F8: variants seen among roughly 807,000 people sequenced by gnomAD.
F8 encodes the protein antihemophilic factor.
Under a neutral mutation model 140.6 loss-of-function variants are expected in F8, and 12 were observed. That is an observed-to-expected ratio of 0.09 (90% CI 0.05 to 0.14). The LOEUF (loss-of-function observed/expected upper bound fraction) is 0.14, where lower values mean the gene tolerates loss of function less well. F8 is among the 10% of genes least tolerant of loss of function. F8 has a pLI of 1.00. For missense variants in F8, 1,354 were observed against 1,720.7 expected (o/e 0.79, Z 3.77); for synonymous variants, 585 against 614.6 (o/e 0.95, Z 0.71).
At position 154,863,246 on chromosome X, in the gene F8, A is replaced by G; in HGVS notation, c.6430-19T>C. ...AGAAGACCTGTATGGAGAGATTAGC[A>G]CAAATACATGGAAAGTGAATACAGA... On this transcript the variant is annotated intron_variant, in intron 22 of 25. Coordinates refer to ENST00000360256, the MANE Select transcript of F8 (RefSeq NM_000132.4). The G allele has an allele frequency of 8.3e-7, 1 of 1,200,851 alleles. No individual in the cohort carries two copies. The highest frequency in any genetic ancestry group is 2.2e-5 in the Admixed American group (1 of 46,070).
At chrX:154,933,235 T>C (rs1206766441) in intron 13 of F8, among the ~76,000 whole-genome samples, 1 of 112,031 alleles carries the variant, frequency 8.9e-6, no homozygotes, top group Non-Finnish European at 1.9e-5. Context: ...ATTAAGAAAT[T>C]TCACATATAC....
intron 14 of F8, among the ~76,000 whole-genome samples, chrX:154,907,976 A>T (rs1478279290): frequency 1.8e-5 from 2 of 111,482 alleles, no homozygotes; most frequent in African/African-American, 6.5e-5. Flanking sequence ...GGAATTTATA[A>T]AAAAAAACCT....
chrX:154,921,282 T>G (rs984074864), intron 14 of F8, among the ~76,000 whole-genome samples: 1 of 112,089 alleles, frequency 8.9e-6, no homozygotes, highest in East Asian at 2.8e-4. Flanking sequence ...GAAAATATGC[T>G]CATCATCACT....
intron 19 of F8, 114 bp downstream of exon 19, chrX:154,901,937 T>C: frequency 1.7e-6 from 1 of 575,457 alleles, no homozygotes; most frequent in Admixed American, 2.3e-5. Context: ...TTAAATTTGA[T>C]AATGATGTAA....
At chrX:154,878,953 C>G (rs1320656950) in intron 22 of F8, among the ~76,000 whole-genome samples, 1 of 112,184 alleles carries the variant, frequency 8.9e-6, no homozygotes, top group African/African-American at 3.2e-5. Flanking sequence ...GACTTGTACA[C>G]TGAAAACTAC....
chrX:154,985,283 C>T (rs921866875), intron 5 of F8, among the ~76,000 whole-genome samples: 1 of 110,046 alleles, frequency 9.1e-6, no homozygotes, highest in African/African-American at 3.3e-5. Flanking sequence ...TAAAAATACA[C>T]AAATTAGGCG....
At chrX:154,857,993 G>T (rs1466444924) in intron 25 of F8, among the ~76,000 whole-genome samples, 1 of 111,748 alleles carries the variant, frequency 8.9e-6, no homozygotes, top group East Asian at 2.8e-4. Context: ...ACAAAAATTA[G>T]CCAGGCATGG....
At chrX:154,925,303 A>T (rs2073154565) in intron 14 of F8, among the ~76,000 whole-genome samples, 1 of 112,116 alleles carries the variant, frequency 8.9e-6, no homozygotes. Flanking sequence ...GCCTTCATGT[A>T]GAAACTCTGC....
At chrX:154,881,621 A>G (rs1461640072) in intron 22 of F8, among the ~76,000 whole-genome samples, 3 of 109,256 alleles carry the variant, frequency 2.7e-5, no homozygotes, top group Non-Finnish European at 5.7e-5. Flanking sequence ...TGGTCATCTT[A>G]ATCATGTACA....
chrX:154,856,777 C>T (rs2072654389), intron 25 of F8, among the ~76,000 whole-genome samples: 1 of 111,891 alleles, frequency 8.9e-6, no homozygotes, highest in Non-Finnish European at 1.9e-5. Flanking sequence ...TATGGCCTTT[C>T]TATCAGAATA....
chrX:154,984,490 T>C (rs1430630152), intron 6 of F8, among the ~76,000 whole-genome samples, 197 bp downstream of exon 6: 3 of 111,911 alleles, frequency 2.7e-5, no homozygotes, highest in African/African-American at 6.5e-5. Context: ...GGGCTGTATG[T>C]ACATGGGTAA....
chrX:154,934,099 G>T (rs2124058117), intron 13 of F8, among the ~76,000 whole-genome samples: 1 of 111,434 alleles, frequency 9.0e-6, no homozygotes, highest in Non-Finnish European at 1.9e-5. Flanking sequence ...CTTTCTTCTT[G>T]CTCCTTTCAG....
chrX:154,874,840 C>T (rs923851177), intron 22 of F8, among the ~76,000 whole-genome samples: 2 of 112,026 alleles, frequency 1.8e-5, no homozygotes, highest in Non-Finnish European at 1.9e-5. Flanking sequence ...ATCTGGCAAT[C>T]TCACTTCTGT....
chrX:154,946,684 C>T (rs2124080428), intron 13 of F8, among the ~76,000 whole-genome samples: 1 of 111,335 alleles, frequency 9.0e-6, no homozygotes, highest in South Asian at 3.7e-4. Flanking sequence ...GCAGGTAAGA[C>T]CTCAAAAGCA....
At chrX:154,955,317 ATT>A (rs34537569) in intron 11 of F8, among the ~76,000 whole-genome samples, 6 of 66,879 alleles carry the variant, frequency 9.0e-5, no homozygotes, top group African/African-American at 3.6e-4. Context: ...TGCCCAGCTA[ATT>A]TTTTTTTTTT....
rs143174629 is a variant in F8 at position 154,930,554 on chromosome X, C to T, written c.3236G>A (p.Arg1079Lys). 294 of 1,209,620 alleles carry T rather than the reference C, an allele frequency of 2.4e-4. No individual in the cohort carries two copies. In the African/African-American group the frequency reaches 4.8e-3, roughly 20 times the overall value. ...AGTTTTATTTGACATATGATTTAGCCTCAAAGCTGTAGCATTTTTGTCCAT... is the reference window on the plus strand; with the variant it reads ...AGTTTTATTTGACATATGATTTAGCTTCAAAGCTGTAGCATTTTTGTCCAT... ...MLMDKNATAL[R>K]LNHMSNKTTS... The change falls in exon 14 of 26, where the codon AGG becomes AAG. Residue 1079 changes from arginine (R) to lysine (K), a missense_variant. This residue lies in a region of F8 where 658 missense variants were observed against 666.5 expected (regional missense o/e 0.99). Coordinates refer to ENST00000360256, the MANE Select transcript of F8 (RefSeq NM_000132.4).
chrX:155,000,061 T>C (rs1557285470), intron 1 of F8, among the ~76,000 whole-genome samples: 1 of 112,445 alleles, frequency 8.9e-6, no homozygotes, highest in Non-Finnish European at 1.9e-5. Context: ...CCTACATTAA[T>C]GTTCATTCTT....
intron 25 of F8, among the ~76,000 whole-genome samples, chrX:154,848,322 G>C (rs2072586736): frequency 8.9e-6 from 1 of 112,757 alleles, no homozygotes; most frequent in South Asian, 3.6e-4. Flanking sequence ...CTGTCAGACA[G>C]GGACATTTAA....
At chrX:154,906,957 G>A (rs1357606708) in intron 14 of F8, among the ~76,000 whole-genome samples, 1 of 111,862 alleles carries the variant, frequency 8.9e-6, no homozygotes, top group Non-Finnish European at 1.9e-5. Flanking sequence ...AAAAAATTGT[G>A]AACTAAAACA....
Sources: gnomAD v4.1 joint callset for allele counts (sites outside exome capture counted in the v4.1 genomes callset) on GRCh38, gnomAD v4.1.1 for gene constraint, gnomAD v4.1.1 regional missense constraint, MANE v1.5 for transcripts, NCBI Gene and HGNC (gene_info 2026-07-23, HGNC 2026-07-21) for gene names.